CNTN5: variants seen among roughly 807,000 people sequenced by gnomAD.
CNTN5 encodes the protein contactin-5.
CNTN5 carries 77 observed loss-of-function variants against 129.1 expected under a neutral mutation model. That is an observed-to-expected ratio of 0.60 (90% CI 0.50 to 0.72). The LOEUF is 0.72. Ranked by LOEUF, CNTN5 falls within the 30% of genes least tolerant of loss-of-function variation. The pLI, the probability that CNTN5 is intolerant of heterozygous loss-of-function variation, is 0.00. For synonymous variants in CNTN5, 509 were observed against 465.6 expected (o/e 1.09, Z -1.20); for missense variants, 1,478 against 1,328.8 (o/e 1.11, Z -1.75).
chr11:100,089,969 C>A (rs1591219036), intron 13 of CNTN5, among the ~76,000 whole-genome samples: 1 of 152,030 alleles, frequency 6.6e-6, no homozygotes, highest in Non-Finnish European at 1.5e-5. Context: ...GATGGGTTGA[C>A]AGGTGCAGCA....
chr11:99,923,293 T>C (rs1949980734), intron 7 of CNTN5, among the ~76,000 whole-genome samples: 1 of 152,174 alleles, frequency 6.6e-6, no homozygotes, highest in African/African-American at 2.4e-5. Context: ...ATATTTAAAA[T>C]GTTAAGCACA....
intron 1 of CNTN5, among the ~76,000 whole-genome samples, chr11:99,252,412 A>G (rs1862158228): frequency 6.6e-6 from 1 of 152,040 alleles, no homozygotes; most frequent in Non-Finnish European, 1.5e-5. Flanking sequence ...TATTCCAGAA[A>G]TTATTTTGAA....
chr11:99,517,517 A>T (rs1947104173), intron 2 of CNTN5, among the ~76,000 whole-genome samples: 1 of 152,036 alleles, frequency 6.6e-6, no homozygotes, highest in African/African-American at 2.4e-5. Context: ...ATATTCACAC[A>T]TTCTTATTCT....
Position 100,340,563 on chromosome 11 carries a change from C to G in CNTN5, c.2831C>G (p.Thr944Arg). The G allele has an allele frequency of 6.2e-7, 1 of 1,613,016 alleles. No individual in the cohort carries two copies. ...ATCCTAACAGGATTAGAAGGAAATA[C>G]GTTATATCACTTCACAGTGAGGGCT... ...FVILTGLEGN[T>R]LYHFTVRAYN... The change falls in exon 22 of 25, where the codon ACG becomes AGG. Residue 944 changes from threonine to arginine, a missense_variant. Physicochemically the swap from Thr to Arg is moderately conservative, Grantham distance 71 (BLOSUM62 -1). Transcript: ENST00000524871.
chr11:99,827,039 GGTCA>G (rs1946983165), intron 4 of CNTN5, among the ~76,000 whole-genome samples: 1 of 151,996 alleles, frequency 6.6e-6, no homozygotes, highest in African/African-American at 2.4e-5. Flanking sequence ...AGATATATTT[GGTCA>G]GAGCAGCTGT....
intron 13 of CNTN5, among the ~76,000 whole-genome samples, chr11:100,093,238 C>T (rs532766264): frequency 2.0e-5 from 3 of 152,138 alleles, no homozygotes; most frequent in Non-Finnish European, 4.4e-5. Context: ...CTCTATACCA[C>T]AGCTAGTGTT....
At chr11:100,315,119 C>T (rs994506673) in intron 21 of CNTN5, among the ~76,000 whole-genome samples, 3 of 152,202 alleles carry the variant, frequency 2.0e-5, no homozygotes, top group African/African-American at 7.2e-5. Context: ...TTGCTGATAA[C>T]TTGGTTTTGA....
chr11:99,801,650 G>T (rs1433886687), intron 3 of CNTN5, among the ~76,000 whole-genome samples: 1 of 151,162 alleles, frequency 6.6e-6, no homozygotes, highest in African/African-American at 2.4e-5. Flanking sequence ...TTATGTTTTT[G>T]TCTCACTGGC....
intron 3 of CNTN5, among the ~76,000 whole-genome samples, chr11:99,816,273 C>G (rs1591241761): frequency 6.6e-6 from 1 of 152,130 alleles, no homozygotes; most frequent in Admixed American, 6.5e-5. Flanking sequence ...TTTCAACACC[C>G]TATTTCTTAT....
At chr11:99,799,819 T>C (rs974464821) in intron 3 of CNTN5, among the ~76,000 whole-genome samples, 2 of 152,070 alleles carry the variant, frequency 1.3e-5, no homozygotes, top group Admixed American at 1.3e-4. Flanking sequence ...TGGGTAGAAT[T>C]GGTACCAGCT....
chr11:100,326,241 CAG>C (rs1214804635), intron 21 of CNTN5, among the ~76,000 whole-genome samples: 2 of 151,876 alleles, frequency 1.3e-5, no homozygotes, highest in Non-Finnish European at 2.9e-5. Flanking sequence ...ACGTGAAAGA[CAG>C]AATAGATTTG....
chr11:99,608,619 A>C (rs990664558), intron 3 of CNTN5, among the ~76,000 whole-genome samples: 2 of 152,184 alleles, frequency 1.3e-5, no homozygotes, highest in Non-Finnish European at 1.5e-5. Flanking sequence ...TAACATAGTC[A>C]TCTACAAGCC....
At chr11:99,617,137 A>G (rs560680254) in intron 3 of CNTN5, among the ~76,000 whole-genome samples, 4 of 148,152 alleles carry the variant, frequency 2.7e-5, no homozygotes, top group African/African-American at 9.8e-5. Context: ...AAACAAAAAC[A>G]AAAACCTGTC....
intron 4 of CNTN5, among the ~76,000 whole-genome samples, chr11:99,828,860 T>A (rs1947050511): frequency 6.6e-6 from 1 of 152,190 alleles, no homozygotes; most frequent in African/African-American, 2.4e-5. Context: ...CAATGACAAA[T>A]CCCATCTAAA....
At chr11:99,228,356 C>A (rs1190442590) in intron 1 of CNTN5, among the ~76,000 whole-genome samples, 1 of 151,810 alleles carries the variant, frequency 6.6e-6, no homozygotes, top group Non-Finnish European at 1.5e-5. Flanking sequence ...GTTTAGCACA[C>A]AAAGAAAGAT....
At chr11:99,190,590 GT>G (rs905251397) in intron 1 of CNTN5, among the ~76,000 whole-genome samples, 2 of 150,800 alleles carry the variant, frequency 1.3e-5, no homozygotes, top group African/African-American at 2.4e-5. Flanking sequence ...ATGTTTTGTA[GT>G]TTTTTTTAGT....
Position 99,880,154 on chromosome 11 carries a change from C to T in CNTN5, c.577+34892C>T, listed in dbSNP as rs116360033. Among the ~76,000 whole-genome samples the T allele has an allele frequency of 5.9e-3, 891 of 152,210 alleles. 13 individuals are homozygous for T. The highest frequency in any genetic ancestry group is 0.02 in the African/African-American group (847 of 41,518). Reference sequence around the variant, plus strand: ...ATAGCGTGTGTTCATTAATATTTTGCATATGATCAATGAGGCAATTGAAAA... The same window carrying T: ...ATAGCGTGTGTTCATTAATATTTTGTATATGATCAATGAGGCAATTGAAAA... On this transcript the variant is annotated intron_variant, in intron 6 of 24. Coordinates refer to ENST00000524871, the MANE Select transcript of CNTN5 (RefSeq NM_014361.4).
intron 1 of CNTN5, among the ~76,000 whole-genome samples, chr11:99,303,469 AT>A (rs1864733350): frequency 6.6e-6 from 1 of 151,204 alleles, no homozygotes; most frequent in Non-Finnish European, 1.5e-5. Context: ...AGAGCAAATG[AT>A]TACATGGCAG....
chr11:99,407,044 C>G (rs1725809717), intron 2 of CNTN5, among the ~76,000 whole-genome samples: 1 of 152,050 alleles, frequency 6.6e-6, no homozygotes, highest in South Asian at 2.1e-4. Context: ...GTTCTATCCC[C>G]CTGTGGCCAA....
Sources: gnomAD v4.1 joint callset for allele counts (sites outside exome capture counted in the v4.1 genomes callset) on GRCh38, gnomAD v4.1.1 for gene constraint, MANE v1.5 for transcripts, NCBI Gene and HGNC (gene_info 2026-07-23, HGNC 2026-07-21) for gene names.